PCSK5: variants seen among roughly 807,000 people sequenced by gnomAD.
PCSK5 encodes the protein prohormone convertase 5.
Under a neutral mutation model 233.2 loss-of-function variants are expected in PCSK5, and 129 were observed. That is an observed-to-expected ratio of 0.55 (90% confidence interval 0.48 to 0.64). The LOEUF (loss-of-function observed/expected upper bound fraction) is 0.64. Ranked by LOEUF, PCSK5 falls within the 30% of genes least tolerant of loss-of-function variation. The pLI is 0.00. For missense variants in PCSK5, 2,076 were observed against 2,430.1 expected (o/e 0.85, Z 3.06); for synonymous variants, 825 against 879.2 (o/e 0.94, Z 1.09).
intron 30 of PCSK5, among the ~76,000 whole-genome samples, chr9:76,312,217 C>T (rs939636278): frequency 2.0e-5 from 3 of 152,214 alleles, no homozygotes; most frequent in Admixed American, 1.3e-4. Context: ...GATACAACAA[C>T]GCCTATTTCC....
chr9:76,318,932 G>A (rs1829110707), intron 30 of PCSK5, among the ~76,000 whole-genome samples: 1 of 152,158 alleles, frequency 6.6e-6, no homozygotes. Flanking sequence ...AAGAGAAGAT[G>A]ACTAAACTAT....
At chr9:76,284,799 T>C (rs1587834850) in intron 24 of PCSK5, among the ~76,000 whole-genome samples, 2 of 152,256 alleles carry the variant, frequency 1.3e-5, no homozygotes, top group South Asian at 2.1e-4. Flanking sequence ...CCCAAAGTGC[T>C]GGGATTACAG....
intron 24 of PCSK5, among the ~76,000 whole-genome samples, chr9:76,263,522 G>A (rs192833609): frequency 5.7e-4 from 86 of 151,646 alleles, no homozygotes; most frequent in African/African-American, 1.7e-3. Flanking sequence ...GTAAACTATC[G>A]CAAGAACAAA....
At chr9:75,905,529 C>G (rs1826226329) in intron 1 of PCSK5, among the ~76,000 whole-genome samples, 1 of 152,046 alleles carries the variant, frequency 6.6e-6, no homozygotes, top group Admixed American at 6.6e-5. Context: ...AATAATAACA[C>G]TGATTATGGT....
At chr9:76,066,910 C>G (rs1356157154) in intron 5 of PCSK5, among the ~76,000 whole-genome samples, 1 of 152,124 alleles carries the variant, frequency 6.6e-6, no homozygotes, top group Non-Finnish European at 1.5e-5. Flanking sequence ...TTTCGTATCT[C>G]TGGTCCTCCT....
chr9:76,037,869 C>G (rs139127655), intron 5 of PCSK5, among the ~76,000 whole-genome samples: 1 of 152,166 alleles, frequency 6.6e-6, no homozygotes, highest in Non-Finnish European at 1.5e-5. Flanking sequence ...CGCCAATTCT[C>G]CTGCATCCCC....
rs558827477 is a variant in PCSK5, at chr9:76,320,500, G to T, written c.3885-922G>T. ...TTTTTTTTTTTTGAGACAGAATCTC[G>T]CTCTGTTATCTAGGCTGGAGTGCAG... On this transcript the variant is annotated intron_variant, in intron 30 of 37. Coordinates refer to ENST00000674117, the MANE Select transcript of PCSK5 (RefSeq NM_001372043.1). Among the ~76,000 whole-genome samples, 8 of 96,384 alleles carry T rather than the reference G, an allele frequency of 8.3e-5. No homozygotes were observed. The South Asian group carries it at 2.9e-3, about 35-fold the overall frequency. 63.2% of individuals were successfully genotyped at this position (96,384 alleles called of 152,430 possible). A position where few individuals can be genotyped will look rare whatever the true frequency, so the allele number is the denominator to read the frequency against.
intron 24 of PCSK5, among the ~76,000 whole-genome samples, chr9:76,277,913 GT>G (rs1464875463): frequency 6.6e-6 from 1 of 152,186 alleles, no homozygotes; most frequent in African/African-American, 2.4e-5. Context: ...ACTGAAAAAT[GT>G]CAGTGACTCT....
chr9:76,165,044 GAA>G (rs1215684624), intron 12 of PCSK5, among the ~76,000 whole-genome samples: 4 of 151,930 alleles, frequency 2.6e-5, no homozygotes, highest in African/African-American at 9.7e-5. Flanking sequence ...AGGAAAGAGA[GAA>G]AAAGCAAATA....
rs567324059 is a variant in PCSK5 at position 76,064,139 on chromosome 9, C to T, written c.633-3816C>T. Among the ~76,000 whole-genome samples, 703 of 72,982 alleles carry T rather than the reference C, an allele frequency of 9.6e-3. 6 individuals carry two copies. The highest frequency in any genetic ancestry group is 0.035 in the African/African-American group (653 of 18,742). The allele number at this position is 72,982 out of a possible 152,430, so 47.9% of individuals were successfully genotyped here. ...GGCGGCTGGCTGGGCGGAGGGCTGA[C>T]CCCCCCACCTCCCTCCCGGACGGGG... is the stretch of plus-strand genomic sequence containing the variant. On this transcript the variant is annotated intron_variant, in intron 5 of 37. Transcript: ENST00000674117.
intron 35 of PCSK5, among the ~76,000 whole-genome samples, chr9:76,347,281 G>C (rs892192314): frequency 6.6e-6 from 1 of 152,090 alleles, no homozygotes; most frequent in African/African-American, 2.4e-5. Flanking sequence ...GTCTGAAGGA[G>C]AGCAGATGGT....
intron 25 of PCSK5, among the ~76,000 whole-genome samples, chr9:76,293,651 T>C (rs2131409922): frequency 6.6e-6 from 1 of 152,314 alleles, no homozygotes; most frequent in South Asian, 2.1e-4. Context: ...GGTTTCGCCA[T>C]GTTGGCCAGG....
At chr9:76,181,118 C>T (rs1010071599) in intron 15 of PCSK5, among the ~76,000 whole-genome samples, 1 of 152,184 alleles carries the variant, frequency 6.6e-6, no homozygotes, top group African/African-American at 2.4e-5. Context: ...CATAACCTTC[C>T]TCTCTGTAAC....
At chr9:76,145,437 A>C (rs1448400978) in intron 10 of PCSK5, among the ~76,000 whole-genome samples, 2 of 152,186 alleles carry the variant, frequency 1.3e-5, no homozygotes, top group African/African-American at 4.8e-5. Context: ...GAAGTCTTCC[A>C]TGATTATCGT....
chr9:76,083,180 G>A (rs1564015522), intron 7 of PCSK5, among the ~76,000 whole-genome samples: 1 of 128,678 alleles, frequency 7.8e-6, no homozygotes, highest in Non-Finnish European at 1.5e-5. Context: ...TTGCACTCCA[G>A]CCTGGGCAAC....
chr9:75,915,275 A>G (rs1467085788), intron 1 of PCSK5, among the ~76,000 whole-genome samples: 1 of 152,158 alleles, frequency 6.6e-6, no homozygotes, highest in East Asian at 1.9e-4. Context: ...CAATTGTGTG[A>G]TGAGGAGTAA....
At chr9:76,163,062 G>A (rs971450967) in intron 12 of PCSK5, among the ~76,000 whole-genome samples, 3 of 152,196 alleles carry the variant, frequency 2.0e-5, no homozygotes, top group Non-Finnish European at 2.9e-5. Context: ...GAGGGGGAGA[G>A]TCCAGAGGAC....
At chr9:76,049,310 T>C (rs180939089) in intron 5 of PCSK5, among the ~76,000 whole-genome samples, 25 of 152,320 alleles carry the variant, frequency 1.6e-4, no homozygotes, top group African/African-American at 5.3e-4. Flanking sequence ...GTTGAATAGA[T>C]CATTAGGGAT....
chr9:76,318,122 C>T, intron 30 of PCSK5, among the ~76,000 whole-genome samples: 1 of 152,166 alleles, frequency 6.6e-6, no homozygotes, highest in Non-Finnish European at 1.5e-5. Context: ...TTCCATTCAG[C>T]TTTTCCCACC....
Sources: allele counts gnomAD v4.1 joint callset (sites outside exome capture counted in the v4.1 genomes callset), GRCh38; gene constraint gnomAD v4.1.1; transcripts MANE v1.5; gene names NCBI Gene and HGNC (gene_info 2026-07-23, HGNC 2026-07-21).